The following FBXL20 variants were observed in gnomAD, a reference collection of about 807,000 sequenced individuals.
FBXL20 encodes F-box and leucine rich repeat protein 20, also known as F-box/LRR-repeat protein 20.
FBXL20 carries 11 observed loss-of-function variants against 64.0 expected under a neutral mutation model. The observed-to-expected ratio is 0.17, with a 90% confidence interval of 0.11 to 0.28. The LOEUF is 0.28. Ranked by LOEUF, FBXL20 falls within the 10% of genes least tolerant of loss-of-function variation. The pLI is 1.00. For synonymous variants in FBXL20, 184 were observed against 189.0 expected (o/e 0.97, Z 0.22); for missense variants, 303 against 526.2 (o/e 0.58, Z 4.15).
chr17:39,263,190 G>A (rs2046762776), intron 14 of FBXL20, among the ~76,000 whole-genome samples: 1 of 151,714 alleles, frequency 6.6e-6, no homozygotes, highest in Non-Finnish European at 1.5e-5. Flanking sequence ...AGACTAGCCT[G>A]GGAAACATAG....
intron 2 of FBXL20, among the ~76,000 whole-genome samples, chr17:39,325,323 C>G (rs371141953): frequency 8.5e-5 from 13 of 152,252 alleles, no homozygotes; most frequent in East Asian, 5.8e-4. Flanking sequence ...TTAAGTAATA[C>G]CTTTTTGTAC....
intron 7 of FBXL20, among the ~76,000 whole-genome samples, chr17:39,284,990 T>C (rs902387229): frequency 2.0e-5 from 3 of 151,920 alleles, no homozygotes; most frequent in Admixed American, 6.6e-5. Context: ...CACACTGGAG[T>C]GCAATGGTGT....
chr17:39,273,204 C>T (rs1009710328), intron 10 of FBXL20, among the ~76,000 whole-genome samples: 7 of 151,936 alleles, frequency 4.6e-5, no homozygotes, highest in African/African-American at 7.3e-5. Context: ...TTAGCAGAGA[C>T]GAGGTTTCAC....
intron 1 of FBXL20, among the ~76,000 whole-genome samples, chr17:39,349,175 C>A (rs1342472951): frequency 6.6e-6 from 1 of 151,398 alleles, no homozygotes; most frequent in African/African-American, 2.4e-5. Context: ...TCACTTGAAC[C>A]CGGGAGACAG....
intron 2 of FBXL20, among the ~76,000 whole-genome samples, chr17:39,331,792 A>G (rs1434709646): frequency 1.3e-5 from 2 of 152,234 alleles, no homozygotes; most frequent in East Asian, 3.8e-4. Flanking sequence ...TAAATGACTA[A>G]ATCTGTTTGT....
intron 2 of FBXL20, among the ~76,000 whole-genome samples, chr17:39,304,919 G>A (rs1401163578): frequency 6.6e-6 from 1 of 151,956 alleles, no homozygotes; most frequent in Non-Finnish European, 1.5e-5. Context: ...ACCACGCCCG[G>A]GTAATTTTTG....
At chr17:39,391,790 A>G (rs1433806308) in intron 1 of FBXL20, among the ~76,000 whole-genome samples, 1 of 152,118 alleles carries the variant, frequency 6.6e-6, no homozygotes, top group Admixed American at 6.6e-5. Flanking sequence ...TTTATTTGCT[A>G]CAAACCACAA....
intron 2 of FBXL20, among the ~76,000 whole-genome samples, chr17:39,330,358 A>G (rs578169221): frequency 4.6e-5 from 7 of 152,192 alleles, no homozygotes; most frequent in Non-Finnish European, 1.0e-4. Context: ...TCATGCCTGT[A>G]ATCCCAGCAC....
intron 9 of FBXL20, among the ~76,000 whole-genome samples, chr17:39,280,067 T>C (rs947336651): frequency 2.0e-5 from 3 of 151,804 alleles, no homozygotes; most frequent in East Asian, 1.9e-4. Flanking sequence ...ACCCCATCCC[T>C]ACTAAAAATA....
intron 6 of FBXL20, 125 bp from the exon 7 acceptor site, chr17:39,285,698 A>C: frequency 2.3e-6 from 1 of 438,876 alleles, no homozygotes; most frequent in Non-Finnish European, 3.9e-6. Context: ...CATACCCCTA[A>C]AAAAGCAGTT....
At chr17:39,298,902 G>C in intron 5 of FBXL20, 88 bp downstream of exon 5, 1 of 1,000,906 alleles carries the variant, frequency 1.0e-6, no homozygotes, top group Non-Finnish European at 1.5e-6. Context: ...TAATAACTTA[G>C]GAATTTTAAC....
intron 1 of FBXL20, among the ~76,000 whole-genome samples, chr17:39,400,905 T>C (rs150872067): frequency 1.0e-3 from 152 of 152,290 alleles, no homozygotes; most frequent in Non-Finnish European, 1.7e-3. Flanking sequence ...CCCACTTCCC[T>C]AGTTTCACCA....
intron 2 of FBXL20, among the ~76,000 whole-genome samples, chr17:39,333,599 G>C (rs1414254552): frequency 1.3e-5 from 2 of 152,044 alleles, no homozygotes; most frequent in African/African-American, 4.8e-5. Flanking sequence ...TCTCTGCCTG[G>C]CCACCCATCG....
In FBXL20 at chr17:39,261,418, G is replaced by T; in HGVS notation, c.*42C>A. On this transcript the variant is annotated 3_prime_UTR_variant, in exon 15 of 15. Transcript: ENST00000264658. ...GAGACTCCACGGTAGCTCTAGAAGT[G>T]TCATTAAATACTCAGTTCGCCAAGG... The T allele has an allele frequency of 6.8e-7, 1 of 1,479,306 alleles. No homozygotes were observed. Among genetic ancestry groups the T allele is most frequent in the Non-Finnish European group, 9.5e-7 (1 of 1,057,680 alleles). The allele number at this position is 1,479,306 out of a possible 1,614,324, so 91.6% of individuals were successfully genotyped here.
Position 39,322,455 on chromosome 17 carries a change from AC to A in FBXL20, c.105-18817del, listed in dbSNP as rs200134495. ...TAAACTGAGTATTAAAATGTATGTA[AC>A]CTGATACCTGTGAACATATAAATTT... On this transcript the variant is annotated intron_variant, in intron 2 of 14. Coordinates refer to ENST00000264658, the MANE Select transcript of FBXL20 (RefSeq NM_032875.3). 9.7e-4 allele frequency among the ~76,000 whole-genome samples: 148 copies of A among 152,278 alleles called. 1 individual carries two copies. Among genetic ancestry groups the A allele is most frequent in the African/African-American group, 3.4e-3 (140 of 41,580 alleles).
Position 39,289,989 on chromosome 17 carries a change from A to G in FBXL20, c.399-4416T>C, listed in dbSNP as rs1454229771. ...ACTCCAGCCTGGGCAATAGTGCGAG[A>G]CTCAGTCTCAAAAAAAAAAAAAAAA... On this transcript the variant is annotated intron_variant, in intron 6 of 14. Coordinates refer to ENST00000264658, the MANE Select transcript of FBXL20 (RefSeq NM_032875.3). Among the ~76,000 whole-genome samples the G allele has an allele frequency of 2.4e-5, 3 of 123,574 alleles. No individual in the cohort carries two copies. In the East Asian group the frequency reaches 7.2e-4, roughly 30 times the overall value. The allele number at this position is 123,574 out of a possible 152,430, so 81.1% of individuals were successfully genotyped here.
At chr17:39,286,338 T>C (rs1041606651) in intron 6 of FBXL20, among the ~76,000 whole-genome samples, 4 of 151,998 alleles carry the variant, frequency 2.6e-5, no homozygotes, top group African/African-American at 9.7e-5. Flanking sequence ...CTCAGCCTCC[T>C]AAGTAGCTGG....
At chr17:39,401,929 G>A (rs1446042389), upstream of FBXL20, 2 of 423,980 alleles carry the variant, frequency 4.7e-6, no homozygotes, top group Non-Finnish European at 7.9e-6. Context: ...CTGTGGGGCG[G>A]ATGCGAGTGC....
At chr17:39,375,151 T>C (rs940959565) in intron 1 of FBXL20, among the ~76,000 whole-genome samples, 10 of 152,106 alleles carry the variant, frequency 6.6e-5, no homozygotes, top group Non-Finnish European at 1.0e-4. Flanking sequence ...TCAGTGACTT[T>C]AGTGGTTAAA....
Sources: gnomAD v4.1 joint callset for allele counts (sites outside exome capture counted in the v4.1 genomes callset) on GRCh38, gnomAD v4.1.1 for gene constraint, MANE v1.5 for transcripts, NCBI Gene and HGNC (gene_info 2026-07-23, HGNC 2026-07-21) for gene names.